The following NOL11 variants were observed in gnomAD, a reference collection of about 807,000 sequenced individuals.
NOL11 encodes nucleolar protein 11.
NOL11 carries 42 observed loss-of-function variants against 93.0 expected under a neutral mutation model. The ratio of observed to expected loss-of-function variants is 0.45; its 90% CI spans 0.35 to 0.58. The LOEUF (loss-of-function observed/expected upper bound fraction) is 0.58. Ranked by LOEUF, NOL11 falls within the 20% of genes least tolerant of loss-of-function variation. The probability of loss-of-function intolerance (pLI) is 0.00; values close to 1 mark genes in which losing one functional copy is unlikely to be tolerated. For synonymous variants in NOL11, 296 were observed against 293.7 expected (o/e 1.01, Z -0.08); for missense variants, 775 against 841.8 (o/e 0.92, Z 0.98).
intron 9 of NOL11, 146 bp from the exon 10 acceptor site, chr17:67,736,520 C>T: frequency 3.4e-6 from 2 of 584,488 alleles, no homozygotes; most frequent in Non-Finnish European, 6.1e-6. Flanking sequence ...TTATGATTTT[C>T]TTATCTGAGG....
rs556722483 is a variant in NOL11, at chr17:67,734,115, T to C, written c.854-248T>C. 2.0e-5 allele frequency among the ~76,000 whole-genome samples: 3 copies of C among 152,254 alleles called. No homozygotes were observed. The East Asian group carries it at 5.8e-4, about 29-fold the overall frequency. ...CAGTGAAGCCATCTGGTCTTGGGCT[T>C]TTCTTTGTTGGGTGTTTTTAATTGT... On this transcript the variant is annotated intron_variant, in intron 7 of 17. Transcript: ENST00000253247.
intron 16 of NOL11, chr17:67,740,609 C>CAA (rs11439892): frequency 0.032 from 4,379 of 135,706 alleles, 106 homozygotes; most frequent in Non-Finnish European, 0.045. Context: ...TACTCCGTCT[C>CAA]AAAAAAAAAA....
chr17:67,737,769 C>T, intron 12 of NOL11, 77 bp downstream of exon 12: 1 of 1,578,414 alleles, frequency 6.3e-7, no homozygotes, highest in Non-Finnish European at 8.6e-7. Flanking sequence ...TCTTCTGAAA[C>T]TCTCAAAAGG....
intron 8 of NOL11, among the ~76,000 whole-genome samples, chr17:67,735,557 T>C (rs2055193751): frequency 6.6e-6 from 1 of 151,926 alleles, no homozygotes; most frequent in African/African-American, 2.4e-5. Flanking sequence ...TTTGTAAATT[T>C]AGTGCATTAG....
At position 67,726,609 on chromosome 17, in the gene NOL11, C is replaced by A. The variant is rs1440347575; in HGVS notation, c.814C>A (p.His272Asn). 1 of 1,613,446 alleles carries A rather than the reference C, an allele frequency of 6.2e-7. No individual in the cohort carries two copies. Among genetic ancestry groups the A allele is most frequent in the Non-Finnish European group, 8.5e-7 (1 of 1,179,802 alleles). ...GVALTALDQDHVAVLGSPLAA... is the reference protein window; with the variant it reads ...GVALTALDQDNVAVLGSPLAA... ...TGCACTCACTGCCCTGGATCAGGAT[C>A]ACGTCGCAGTCCTAGGAAGTCCACT... Residue 272 changes from histidine (H) to asparagine (N), a missense_variant, in exon 7 of 18, where the codon CAC (histidine) becomes AAC (asparagine). Coordinates refer to ENST00000253247, the MANE Select transcript of NOL11 (RefSeq NM_015462.5).
Position 67,719,905 on chromosome 17 carries a change from G to C in NOL11, c.256-1G>C, listed in dbSNP as rs769070575. On this transcript the variant is annotated splice_acceptor_variant, in intron 2 of 17. Transcript: ENST00000253247. LOFTEE classifies it high-confidence loss of function. ...TTTTAACTAGTATGTTTTGATTTAA[G>C]GTTTTAAGAATATGGAATAATGAAG... The C allele has an allele frequency of 2.6e-6, 4 of 1,567,426 alleles. No homozygotes were observed. The highest frequency in any genetic ancestry group is 3.5e-6 in the Non-Finnish European group (4 of 1,150,684).
At chr17:67,724,833 C>T (rs8080380) in intron 6 of NOL11, among the ~76,000 whole-genome samples, 1 of 151,950 alleles carries the variant, frequency 6.6e-6, no homozygotes, top group South Asian at 2.1e-4. Context: ...CTGAGGTGGG[C>T]AGATCACAAG....
At chr17:67,742,193 C>T (rs1019650152) in intron 16 of NOL11, among the ~76,000 whole-genome samples, 2 of 152,180 alleles carry the variant, frequency 1.3e-5, no homozygotes, top group African/African-American at 4.8e-5. Context: ...CTGAGGCATT[C>T]TTTTTCACAT....
intron 7 of NOL11, among the ~76,000 whole-genome samples, chr17:67,732,204 C>T (rs938004055): frequency 6.6e-6 from 1 of 151,982 alleles, no homozygotes; most frequent in Non-Finnish European, 1.5e-5. Flanking sequence ...TCCTAGGGAC[C>T]GGGCGCAGTA....
Position 67,717,983 on chromosome 17 carries a change from G to T in NOL11, c.36G>T (p.Ser12=). The T allele has an allele frequency of 6.2e-7, 1 of 1,614,252 alleles. No individual in the cohort carries two copies. Among genetic ancestry groups the T allele is most frequent in the Non-Finnish European group, 8.5e-7 (1 of 1,180,042 alleles). ...AALEEEFTLS[S]VVLSAGPEGL... ...TGGAGGAAGAATTCACGTTGTCTTC[G>T]GTAGTCCTGAGCGCCGGGCCTGAAG... Residue 12 remains serine, a synonymous_variant, in exon 1 of 18, where the codon TCG becomes TCT. Transcript: ENST00000253247.
intron 15 of NOL11, 27 bp downstream of exon 15, chr17:67,739,037 AT>A (rs751337851): frequency 6.7e-7 from 1 of 1,487,382 alleles, no homozygotes; most frequent in Admixed American, 1.8e-5. Context: ...GTTGTATAGA[AT>A]TTTACTTCTG....
intron 4 of NOL11, among the ~76,000 whole-genome samples, chr17:67,722,096 A>T (rs1393245031): frequency 6.6e-6 from 1 of 152,244 alleles, no homozygotes; most frequent in Non-Finnish European, 1.5e-5. Flanking sequence ...CCAGTTATAT[A>T]TTAGACTGAC....
chr17:67,737,797 G>A (rs957730107), intron 12 of NOL11, 50 bp from the exon 13 acceptor site: 1 of 1,587,358 alleles, frequency 6.3e-7, no homozygotes, highest in Non-Finnish European at 8.5e-7. Context: ...ATGTTCTGCA[G>A]TTGAGAATTT....
At chr17:67,719,990 T>C in intron 3 of NOL11, 28 bp downstream of exon 3, 2 of 1,527,874 alleles carry the variant, frequency 1.3e-6, no homozygotes, top group Non-Finnish European at 1.8e-6. Context: ...CCAACATATT[T>C]GTTTAGCTTA....
chr17:67,725,193 T>C (rs534573764), intron 6 of NOL11, among the ~76,000 whole-genome samples: 1 of 152,382 alleles, frequency 6.6e-6, no homozygotes, highest in East Asian at 1.9e-4. Flanking sequence ...ATAAACTGTC[T>C]ATGCTTGGCA....
At chr17:67,730,118 A>G (rs2055138334) in intron 7 of NOL11, among the ~76,000 whole-genome samples, 1 of 152,208 alleles carries the variant, frequency 6.6e-6, no homozygotes, top group East Asian at 1.9e-4. Flanking sequence ...GTAATATTCC[A>G]TTGTATATAT....
At position 67,739,539 on chromosome 17, in the gene NOL11, C is replaced by T; in HGVS notation, c.1866C>T (p.Phe622=). 1 of 1,590,738 alleles carries T rather than the reference C, an allele frequency of 6.3e-7. No individual in the cohort carries two copies. The highest frequency in any genetic ancestry group is 2.3e-5 in the East Asian group (1 of 43,574). The change falls in exon 16 of 18, where the codon TTC becomes TTT. Residue 622 remains phenylalanine, a synonymous_variant. Transcript: ENST00000253247. ...AGCTGTTTCTTAAGTATTTGTATTT[C>T]CTGTACCTGAAGTGTAGCGAAAATG... ...HITLFLKYLY[F]LYLKCSENAT... is the part of the protein sequence containing the mutation.
Position 67,721,390 on chromosome 17 carries a change from G to T in NOL11, c.325G>T (p.Val109Leu). 6.3e-7 allele frequency: 1 copy of T among 1,583,380 alleles called. No homozygotes were observed. Reference protein sequence around the residue: ...KVFKATLSAEVYRILSVQGTE... With the variant: ...KVFKATLSAELYRILSVQGTE... The stretch of plus-strand genomic sequence containing the variant: ...TATGTTCTTCCAGTTGTCAGCAGAA[G>T]TATATAGGATACTTTCAGTGCAAGG... The change falls in exon 4 of 18, where the codon GTA becomes TTA. Residue 109 changes from valine to leucine, a missense_variant. By Grantham distance (32) the Val-to-Leu change is conservative. Coordinates refer to ENST00000253247, the MANE Select transcript of NOL11 (RefSeq NM_015462.5).
At chr17:67,719,842 A>C (rs988889338) in intron 2 of NOL11, 55 bp downstream of exon 2, 1 of 1,478,404 alleles carries the variant, frequency 6.8e-7, no homozygotes, top group African/African-American at 1.4e-5. Context: ...ATTATTAACT[A>C]TTTGTATTTA....
Sources: gnomAD v4.1 joint callset for allele counts (sites outside exome capture counted in the v4.1 genomes callset) on GRCh38, gnomAD v4.1.1 for gene constraint, MANE v1.5 for transcripts, NCBI Gene and HGNC (gene_info 2026-07-23, HGNC 2026-07-21) for gene names.